The following MTPN variants were observed in gnomAD, a reference collection of about 807,000 sequenced individuals.
MTPN encodes the protein granule cell differentiation protein.
In MTPN, 2 loss-of-function variants were observed where a neutral mutation model predicts 13.5. The observed-to-expected ratio is 0.15, with a 90% CI of 0.06 to 0.47. The LOEUF (loss-of-function observed/expected upper bound fraction) is 0.47, where lower values mean the gene tolerates loss of function less well. MTPN is among the 20% of genes least tolerant of loss of function. The pLI is 0.97. For synonymous variants in MTPN, 46 were observed against 51.7 expected, an observed-to-expected ratio of 0.89 and a Z score of 0.48; for missense variants, 79 against 137.9, an observed-to-expected ratio of 0.57 and a Z score of 2.14.
At chr7:135,970,591 T>C (rs755681159) in intron 1 of MTPN, among the ~76,000 whole-genome samples, 1 of 152,138 alleles carries the variant, frequency 6.6e-6, no homozygotes, top group Non-Finnish European at 1.5e-5. Context: ...AATAACAAGC[T>C]CATAATATTG....
Position 135,972,231 on chromosome 7 carries a change from G to GCGCGCGCACACACACACACACACACACA in MTPN, c.72+4797_72+4798insTGTGTGTGTGTGTGTGTGTGTGCGCGCG, listed in dbSNP as rs779296906. Reference sequence around the variant, plus strand: ...CACACGCGCACACGCGCACGCGCGCGCACACACACACACACACACACACAC... The same window carrying GCGCGCGCACACACACACACACACACACA: ...CACACGCGCACACGCGCACGCGCGCGCGCGCGCACACACACACACACACACACACACACACACACACACACACACACAC... On this transcript the variant is annotated intron_variant, in intron 1 of 3. Transcript: ENST00000393085. 7.7e-4 allele frequency among the ~76,000 whole-genome samples: 96 copies of GCGCGCGCACACACACACACACACACACA among 124,704 alleles called. 1 individual carries two copies. The highest frequency in any genetic ancestry group is 2.8e-3 in the African/African-American group (95 of 33,336). The allele number at this position is 124,704 out of a possible 152,430, so 81.8% of individuals were successfully genotyped here.
chr7:135,937,382 C>A (rs1584806633), intron 3 of MTPN, among the ~76,000 whole-genome samples: 1 of 134,134 alleles, frequency 7.5e-6, no homozygotes, highest in Non-Finnish European at 1.7e-5. Context: ...CACACACACA[C>A]ACACACACAC....
At chr7:135,960,112 C>T (rs919784022) in intron 1 of MTPN, among the ~76,000 whole-genome samples, 10 of 151,942 alleles carry the variant, frequency 6.6e-5, no homozygotes, top group Non-Finnish European at 1.5e-4. Context: ...GGAGTCATTC[C>T]CCACAAGGAA....
chr7:135,927,244 CTACT>C lies in MTPN; in HGVS notation c.*2678_*2681del. On this transcript the variant is annotated 3_prime_UTR_variant, in exon 4 of 4. Transcript: ENST00000393085. ...TGCAGCTTCCACACACTGCACCTACCTACTACCTCTCTTCCATGCTTAACTGGGT... is the reference window on the plus strand; with the variant it reads ...TGCAGCTTCCACACACTGCACCTACCACCTCTCTTCCATGCTTAACTGGGT... The C allele has an allele frequency of 6.7e-7, 1 of 1,494,578 alleles. No homozygotes were observed. Among genetic ancestry groups the C allele is most frequent in the Non-Finnish European group, 9.0e-7 (1 of 1,114,828 alleles). The allele number at this position is 1,494,578 out of a possible 1,614,324, so 92.6% of individuals were successfully genotyped here. A position where few individuals can be genotyped will look rare whatever the true frequency, so the allele number is the denominator to read the frequency against.
rs1401586658 is a variant in MTPN, at chr7:135,951,553, G to T, written c.150C>A (p.Ile50=). Residue 50 remains isoleucine, a synonymous_variant, in exon 2 of 4, where the codon ATC becomes ATA. Transcript: ENST00000393085. ...CTCCTTTCAGCAGCAGAAATTCCAG[G>T]ATTTCAAGCTGCCCACAATCTGCTG... ...HYAADCGQLE[I]LEFLLLKGAD... 1 of 1,613,154 alleles carries T rather than the reference G, an allele frequency of 6.2e-7. No individual in the cohort carries two copies. The highest frequency in any genetic ancestry group is 1.1e-5 in the South Asian group (1 of 90,944).
At chr7:135,945,299 T>C (rs1426980495) in intron 3 of MTPN, among the ~76,000 whole-genome samples, 3 of 151,850 alleles carry the variant, frequency 2.0e-5, no homozygotes, top group East Asian at 1.9e-4. Context: ...AAAAATTTTC[T>C]TTTTTCAGCA....
intron 2 of MTPN, 116 bp from the exon 3 acceptor site, chr7:135,950,798 A>C: frequency 1.3e-6 from 1 of 775,060 alleles, no homozygotes; most frequent in Non-Finnish European, 2.1e-6. Flanking sequence ...AAATCAATCA[A>C]TCAATCAATC....
chr7:135,966,059 G>T (rs2116401356), intron 1 of MTPN, among the ~76,000 whole-genome samples: 1 of 152,154 alleles, frequency 6.6e-6, no homozygotes, highest in Middle Eastern at 3.4e-3. Context: ...TCAAGCAACA[G>T]AAACCAAATC....
At chr7:135,930,348 T>C (rs963720581) in intron 3 of MTPN, among the ~76,000 whole-genome samples, 4 of 152,200 alleles carry the variant, frequency 2.6e-5, no homozygotes, top group African/African-American at 4.8e-5. Flanking sequence ...ATGTGCAGTA[T>C]GAAACGGGGA....
Position 135,977,230 on chromosome 7 carries a change from T to G in MTPN, c.-130A>C. 6 of 908,514 alleles carry G rather than the reference T, an allele frequency of 6.6e-6. No homozygotes were observed. The highest frequency in any genetic ancestry group is 1.4e-5 in the South Asian group (1 of 72,190). The allele number at this position is 908,514 out of a possible 1,614,324, so 56.3% of individuals were successfully genotyped here. A position where few individuals can be genotyped will look rare whatever the true frequency, so the allele number is the denominator to read the frequency against. On this transcript the variant is annotated 5_prime_UTR_variant, in exon 1 of 4. Coordinates refer to ENST00000393085, the MANE Select transcript of MTPN (RefSeq NM_145808.4). The stretch of plus-strand genomic sequence containing the variant: ...GAGAGGAGAAGAAGAGAAGGAGGGT[T>G]AGGCTGCCAGGCGGGCGAGGCAGTT...
chr7:135,969,249 A>T (rs1002683856), intron 1 of MTPN, among the ~76,000 whole-genome samples: 1 of 149,074 alleles, frequency 6.7e-6, no homozygotes, highest in Non-Finnish European at 1.5e-5. Context: ...AAAAAAAAAA[A>T]AAAAGAAAAA....
chr7:135,935,393 C>T (rs1283270971), intron 3 of MTPN, among the ~76,000 whole-genome samples: 1 of 152,098 alleles, frequency 6.6e-6, no homozygotes, highest in South Asian at 2.1e-4. Flanking sequence ...TGCATACCAC[C>T]ATGCCTGACT....
intron 1 of MTPN, 103 bp downstream of exon 1, chr7:135,976,926 C>CTCCCCCCCCCCCCCCTCCCCCCAG: frequency 3.0e-6 from 2 of 665,030 alleles, no homozygotes; most frequent in Non-Finnish European, 5.6e-6. Flanking sequence ...GAAGTCTCTC[C>CTCCCCCCCCCCCCCCTCCCCCCAG]TCCCGCCCAC....
intron 1 of MTPN, chr7:135,960,879 G>C (rs1799510938): frequency 6.6e-6 from 1 of 151,444 alleles, no homozygotes; most frequent in Admixed American, 6.6e-5. Flanking sequence ...AATCAAAATG[G>C]AATCCAAAAG....
intron 3 of MTPN, among the ~76,000 whole-genome samples, chr7:135,940,777 T>C (rs1476938041): frequency 6.6e-6 from 1 of 152,240 alleles, no homozygotes. Context: ...CTTATTTGTA[T>C]CTTACAGAAA....
intron 3 of MTPN, among the ~76,000 whole-genome samples, chr7:135,948,381 A>AGCTATCTGTTGGTAGACAT: frequency 6.6e-6 from 1 of 152,224 alleles, no homozygotes; most frequent in Non-Finnish European, 1.5e-5. Flanking sequence ...TGCTACCAAC[A>AGCTATCTGTTGGTAGACAT]TAGCTATCTC....
intron 3 of MTPN, among the ~76,000 whole-genome samples, chr7:135,935,295 G>A (rs985145762): frequency 2.0e-5 from 3 of 151,342 alleles, no homozygotes; most frequent in Admixed American, 2.0e-4. Context: ...CTGGAGTGCA[G>A]TGGCACAACC....
chr7:135,972,773 C>T (rs1799715369), intron 1 of MTPN, among the ~76,000 whole-genome samples: 1 of 151,956 alleles, frequency 6.6e-6, no homozygotes, highest in Non-Finnish European at 1.5e-5. Flanking sequence ...AATATTAATA[C>T]TTTTGTGATT....
At chr7:135,971,919 T>A (rs563779320) in intron 1 of MTPN, among the ~76,000 whole-genome samples, 77 of 152,320 alleles carry the variant, frequency 5.1e-4, no homozygotes, top group African/African-American at 1.5e-3. Context: ...TGACCATAAA[T>A]ACAAAACATT....
Sources: gnomAD v4.1 joint callset for allele counts (sites outside exome capture counted in the v4.1 genomes callset) on GRCh38, gnomAD v4.1.1 for gene constraint, MANE v1.5 for transcripts, NCBI Gene and HGNC (gene_info 2026-07-23, HGNC 2026-07-21) for gene names.